DMRTA2: variants seen among roughly 807,000 people sequenced by gnomAD.
DMRTA2 encodes the protein DMRT like family A2, also known as doublesex- and mab-3-related transcription factor A2.
In DMRTA2, 10 loss-of-function variants were observed where a neutral mutation model predicts 29.7. The ratio of observed to expected loss-of-function variants is 0.34; its 90% confidence interval spans 0.21 to 0.57. The LOEUF is 0.57. Among genes scored for constraint, DMRTA2 ranks in the 20% least tolerant of loss-of-function variants. The probability of loss-of-function intolerance (pLI) is 0.87; values close to 1 mark genes in which losing one functional copy is unlikely to be tolerated. For missense variants in DMRTA2, 783 were observed against 812.1 expected, an observed-to-expected ratio of 0.96 and a Z score of 0.44; for synonymous variants, 469 against 402.6, an observed-to-expected ratio of 1.16 and a Z score of -1.97.
Position 50,420,916 on chromosome 1 carries a change from G to T in DMRTA2, c.559+62C>A. 1 of 1,396,206 alleles carries T rather than the reference G, an allele frequency of 7.2e-7. No individual in the cohort carries two copies. Among genetic ancestry groups the T allele is most frequent in the African/African-American group, 1.5e-5 (1 of 65,452 alleles). The allele number at this position is 1,396,206 out of a possible 1,614,324, so 86.5% of individuals were successfully genotyped here. Reference sequence around the variant, plus strand: ...TCTTTCTGAACCGAGACAAGCCCCTGGGCCCCGTGCCCCAGAGCTACGATC... The same window carrying T: ...TCTTTCTGAACCGAGACAAGCCCCTTGGCCCCGTGCCCCAGAGCTACGATC... On this transcript the variant is annotated intron_variant, in intron 2 of 2. Transcript: ENST00000404795. This position sits in a 1 kb window ranked among gnomAD's most constrained non-coding sequence, Gnocchi z 4.1.
chr1:50,418,496 G>T lies in DMRTA2; in HGVS notation c.*169C>A. 2.1e-6 allele frequency: 1 copy of T among 477,330 alleles called. No homozygotes were observed. Among genetic ancestry groups the T allele is most frequent in the Non-Finnish European group, 3.4e-6 (1 of 297,728 alleles). 29.6% of individuals were successfully genotyped at this position (477,330 alleles called of 1,614,324 possible). ...ACCTGTCTGTAGCTGCTCCCCCTTT[G>T]CTCAGCCTTCCCCACCCACCCTCCT... is the stretch of plus-strand genomic sequence containing the variant. On this transcript the variant is annotated 3_prime_UTR_variant, in exon 3 of 3. Coordinates refer to ENST00000404795, the MANE Select transcript of DMRTA2 (RefSeq NM_032110.3).
rs1646019175 is a variant in DMRTA2, at chr1:50,419,466, GTCC to G, written c.825_827del (p.Glu275del). 6 of 1,596,230 alleles carry G rather than the reference GTCC, an allele frequency of 3.8e-6. No individual in the cohort carries two copies. Among genetic ancestry groups the G allele is most frequent in the Non-Finnish European group, 5.1e-6 (6 of 1,176,838 alleles). ...CCAGAGGGCTAGCGGAGCCCGGGCT[GTCC>G]TCCTCGCCGCCGCCGCCAGGGCCAG... is the stretch of plus-strand genomic sequence containing the variant. On this transcript the variant is annotated inframe_deletion, in exon 3 of 3. Coordinates refer to ENST00000404795, the MANE Select transcript of DMRTA2 (RefSeq NM_032110.3). This position sits in a 1 kb window ranked among gnomAD's most constrained non-coding sequence, Gnocchi z 6.1.
Position 50,419,756 on chromosome 1 carries a change from C to T in DMRTA2, c.560-22G>A. The T allele has an allele frequency of 6.9e-7, 1 of 1,450,248 alleles. No individual in the cohort carries two copies. Among genetic ancestry groups the T allele is most frequent in the Non-Finnish European group, 9.1e-7 (1 of 1,102,766 alleles). The allele number at this position is 1,450,248 out of a possible 1,614,324, so 89.8% of individuals were successfully genotyped here. A position where few individuals can be genotyped will look rare whatever the true frequency, so the allele number is the denominator to read the frequency against. On this transcript the variant is annotated intron_variant, in intron 2 of 2. Transcript: ENST00000404795. This position sits in a 1 kb window ranked among gnomAD's most constrained non-coding sequence, Gnocchi z 6.1. ...GCCTCTGGGAGGGGAGAAAACGTGT[C>T]GTGAGGAGCGGTTAGCTAGAAGACA...
In DMRTA2 at chr1:50,419,557, G is replaced by C. The variant is rs751896721; in HGVS notation, c.737C>G (p.Ser246Cys). 6.1e-5 allele frequency: 95 copies of C among 1,566,434 alleles called. 1 individual carries two copies. In the East Asian group the frequency reaches 2.1e-3, roughly 35 times the overall value. ...CCGAGCTAGGGGCGAACCAGAAAAGGACTCGCCATCGCCGTTCTCCGAGCC... is the reference window on the plus strand; with the variant it reads ...CCGAGCTAGGGGCGAACCAGAAAAGCACTCGCCATCGCCGTTCTCCGAGCC... Reference protein sequence around the residue: ...GSGSENGDGESFSGSPLARAS... With the variant: ...GSGSENGDGECFSGSPLARAS... The change falls in exon 3 of 3, where the codon TCC becomes TGC. Residue 246 changes from serine (S) to cysteine (C), a missense_variant. By Grantham distance (112) the Ser-to-Cys change is moderately radical (BLOSUM62 -1). Around this residue, in one of 3 missense-constraint regions of DMRTA2, gnomAD observed 667 missense variants for 624.8 expected, o/e 1.07. Transcript: ENST00000404795. This position sits in a 1 kb window ranked among gnomAD's most constrained non-coding sequence, Gnocchi z 6.1.
Position 50,421,588 on chromosome 1 carries a change from GC to G in DMRTA2, c.-8-45del. 8.1e-7 allele frequency: 1 copy of G among 1,227,620 alleles called. No homozygotes were observed. The highest frequency in any genetic ancestry group is 4.0e-5 in the South Asian group (1 of 25,136). The allele number at this position is 1,227,620 out of a possible 1,614,324, so 76.0% of individuals were successfully genotyped here. On this transcript the variant is annotated intron_variant, in intron 1 of 2. Transcript: ENST00000404795. The surrounding 1 kb of genome is among the most constrained non-coding windows in gnomAD (Gnocchi z 8.7). The stretch of plus-strand genomic sequence containing the variant: ...GGAGAGGGGAGAGACCTGGTGAGGA[GC>G]ACACCGCGCGCTAGGCCAAAGCGCC...
chr1:50,418,533 A>C lies in DMRTA2; in HGVS notation c.*132T>G, dbSNP rs963961116. ...CCACCCACCCTCCTAAACAAAACCC[A>C]AAAACCACCTTAGAGTGAGAAGACG... On this transcript the variant is annotated 3_prime_UTR_variant, in exon 3 of 3. Transcript: ENST00000404795. 11 of 769,392 alleles carry C rather than the reference A, an allele frequency of 1.4e-5. No homozygotes were observed. Among genetic ancestry groups the C allele is most frequent in the African/African-American group, 9.1e-5 (5 of 54,906 alleles). 47.7% of individuals were successfully genotyped at this position (769,392 alleles called of 1,614,324 possible).
At position 50,419,420 on chromosome 1, in the gene DMRTA2, C is replaced by T; in HGVS notation, c.874G>A (p.Ala292Thr). Residue 292 changes from alanine (A) to threonine (T), a missense_variant, in exon 3 of 3, where the codon GCT (alanine) becomes ACT (threonine). Around this residue, in one of 3 missense-constraint regions of DMRTA2, gnomAD observed 667 missense variants for 624.8 expected, o/e 1.07. Coordinates refer to ENST00000404795, the MANE Select transcript of DMRTA2 (RefSeq NM_032110.3). This position sits in a 1 kb window ranked among gnomAD's most constrained non-coding sequence, Gnocchi z 6.1. ...GCGGCCTCACCCTCTTCTTTGTCAG[C>T]CTCTGAACCGGATTCAGAGCCCAGA... Reference protein sequence around the residue: ...SPLGSESGSEADKEEGEAAPA... With the variant: ...SPLGSESGSETDKEEGEAAPA... 1 of 1,598,288 alleles carries T rather than the reference C, an allele frequency of 6.3e-7. No individual in the cohort carries two copies.
chr1:50,419,283 C>G lies in DMRTA2; in HGVS notation c.1011G>C (p.Gln337His), dbSNP rs1646017090. ...CCTGCACCACGTCGCCGCCGCAGCC[C>G]TGCAACACCAGCTCCAGGACGCCTC... ...HRRGVLELVL[Q>H]GCGGDVVQAI... Residue 337 changes from glutamine to histidine, a missense_variant, in exon 3 of 3, where the codon CAG (glutamine) becomes CAC (histidine). Coordinates refer to ENST00000404795, the MANE Select transcript of DMRTA2 (RefSeq NM_032110.3). The surrounding 1 kb of genome is among the most constrained non-coding windows in gnomAD (Gnocchi z 6.1). 3.1e-6 allele frequency: 5 copies of G among 1,593,944 alleles called. No individual in the cohort carries two copies. The highest frequency in any genetic ancestry group is 4.2e-6 in the Non-Finnish European group (5 of 1,178,058).
Position 50,420,940 on chromosome 1 carries a change from T to G in DMRTA2, c.559+38A>C, listed in dbSNP as rs1158648501. On this transcript the variant is annotated intron_variant, in intron 2 of 2. Coordinates refer to ENST00000404795, the MANE Select transcript of DMRTA2 (RefSeq NM_032110.3). The surrounding 1 kb of genome is among the most constrained non-coding windows in gnomAD (Gnocchi z 4.1). Reference sequence around the variant, plus strand: ...TGGGCCCCGTGCCCCAGAGCTACGATCCTGCTGCCCCTACCTGCGGCCTGG... The same window carrying G: ...TGGGCCCCGTGCCCCAGAGCTACGAGCCTGCTGCCCCTACCTGCGGCCTGG... 5 of 1,412,284 alleles carry G rather than the reference T, an allele frequency of 3.5e-6. No homozygotes were observed. Among genetic ancestry groups the G allele is most frequent in the Non-Finnish European group, 4.6e-6 (5 of 1,093,468 alleles). The allele number at this position is 1,412,284 out of a possible 1,614,324, so 87.5% of individuals were successfully genotyped here. A position where few individuals can be genotyped will look rare whatever the true frequency, so the allele number is the denominator to read the frequency against.
rs559095699 is a variant in DMRTA2 at position 50,418,599 on chromosome 1, C to T, written c.*66G>A. ...GAGAGAGCGCTGGGCGAAGAGGGGT[C>T]GATGGCCCGCGGGAACAGGGCTGGG... is the stretch of plus-strand genomic sequence containing the variant. On this transcript the variant is annotated 3_prime_UTR_variant, in exon 3 of 3. Transcript: ENST00000404795. 1.1e-4 allele frequency: 145 copies of T among 1,275,728 alleles called. No homozygotes were observed. The African/African-American group carries it at 1.9e-3, about 17-fold the overall frequency. The allele number at this position is 1,275,728 out of a possible 1,614,324, so 79.0% of individuals were successfully genotyped here.
At position 50,420,373 on chromosome 1, in the gene DMRTA2, G is replaced by A. The variant is rs1646026817; in HGVS notation, c.559+605C>T. Among the ~76,000 whole-genome samples, 1 of 152,274 alleles carries A rather than the reference G, an allele frequency of 6.6e-6. No homozygotes were observed. Among genetic ancestry groups the A allele is most frequent in the South Asian group, 2.1e-4 (1 of 4,814 alleles). On this transcript the variant is annotated intron_variant, in intron 2 of 2. Coordinates refer to ENST00000404795, the MANE Select transcript of DMRTA2 (RefSeq NM_032110.3). The surrounding 1 kb of genome is among the most constrained non-coding windows in gnomAD (Gnocchi z 4.1). ...AAGCCACGGGGGTCCAGAAAAAGAG[G>A]GTGGTGCTAGGCAGGCAGTAGGAAG...
Position 50,418,832 on chromosome 1 carries a change from TG to T in DMRTA2, c.1461del (p.Thr488LeufsTer104). 1 of 1,583,734 alleles carries T rather than the reference TG, an allele frequency of 6.3e-7. No homozygotes were observed. The highest frequency in any genetic ancestry group is 8.6e-7 in the Non-Finnish European group (1 of 1,168,246). ...CCGAGCGTGGGCACCAAGCCGGCAG[TG>T]GAGTAGGGCGCCATGAAGGCCAGAC... Reference protein sequence around the residue: ...SRGLAFMAPYSTAGLVPTLGF... With the variant: ...SRGLAFMAPYXTAGLVPTLGF... On this transcript the variant is annotated frameshift_variant, in exon 3 of 3. Transcript: ENST00000404795. LOFTEE classifies it high-confidence loss of function.
Position 50,420,167 on chromosome 1 carries a change from G to T in DMRTA2, c.560-433C>A, listed in dbSNP as rs755482672. Among the ~76,000 whole-genome samples the T allele has an allele frequency of 4.6e-5, 7 of 152,176 alleles. No individual in the cohort carries two copies. Among genetic ancestry groups the T allele is most frequent in the Non-Finnish European group, 7.3e-5 (5 of 68,040 alleles). On this transcript the variant is annotated intron_variant, in intron 2 of 2. Coordinates refer to ENST00000404795, the MANE Select transcript of DMRTA2 (RefSeq NM_032110.3). The surrounding 1 kb of genome is among the most constrained non-coding windows in gnomAD (Gnocchi z 4.1). ...AATGCCTGCCCTGGCAGTGCAGCCT[G>T]TAAGGAAAGGCGCCTTGGTTATCTA...
chr1:50,418,827 G>C lies in DMRTA2; in HGVS notation c.1467C>G (p.Ala489=), dbSNP rs747106724. The C allele has an allele frequency of 8.2e-6, 13 of 1,587,394 alleles. No individual in the cohort carries two copies. The highest frequency in any genetic ancestry group is 1.7e-4 in the Middle Eastern group (1 of 5,824). The change falls in exon 3 of 3, where the codon GCC becomes GCG. Residue 489 remains alanine (A), a synonymous_variant. Coordinates refer to ENST00000404795, the MANE Select transcript of DMRTA2 (RefSeq NM_032110.3). ...GGAAGCCGAGCGTGGGCACCAAGCC[G>C]GCAGTGGAGTAGGGCGCCATGAAGG... The part of the protein sequence containing the change: ...GLAFMAPYST[A]GLVPTLGFRP...
Position 50,419,678 on chromosome 1 carries a change from G to C in DMRTA2, c.616C>G (p.Pro206Ala), listed in dbSNP as rs1421541627. The C allele has an allele frequency of 1.3e-6, 2 of 1,498,896 alleles. No individual in the cohort carries two copies. Among genetic ancestry groups the C allele is most frequent in the African/African-American group, 2.9e-5 (2 of 68,628 alleles). The allele number at this position is 1,498,896 out of a possible 1,614,324, so 92.8% of individuals were successfully genotyped here. A position where few individuals can be genotyped will look rare whatever the true frequency, so the allele number is the denominator to read the frequency against. ...ACCGGCGGCGGCAGCGGGCTGCCCG[G>C]GCGGCCTGCCTGCAGCAGCGTCTTA... ...FPKTLLQAGRPGSPLPPPVKP... is the reference protein window; with the variant it reads ...FPKTLLQAGRAGSPLPPPVKP... The change falls in exon 3 of 3, where the codon CCG becomes GCG. Residue 206 changes from proline to alanine, a missense_variant. This residue lies in a region of DMRTA2 where 667 missense variants were observed against 624.8 expected (regional missense o/e 1.07). Coordinates refer to ENST00000404795, the MANE Select transcript of DMRTA2 (RefSeq NM_032110.3). The surrounding 1 kb of genome is among the most constrained non-coding windows in gnomAD (Gnocchi z 6.1).
Position 50,418,817 on chromosome 1 carries a change from G to T in DMRTA2, c.1477C>A (p.Pro493Thr). 6.3e-7 allele frequency: 1 copy of T among 1,587,808 alleles called. No homozygotes were observed. Residue 493 changes from proline to threonine, a missense_variant, in exon 3 of 3, where the codon CCC becomes ACC. Pro to Thr is a conservative substitution (Grantham distance 38). Around this residue, in one of 3 missense-constraint regions of DMRTA2, gnomAD observed 667 missense variants for 624.8 expected, o/e 1.07. Transcript: ENST00000404795. ...ATGGGTGGGCGGAAGCCGAGCGTGGGCACCAAGCCGGCAGTGGAGTAGGGC... is the reference window on the plus strand; with the variant it reads ...ATGGGTGGGCGGAAGCCGAGCGTGGTCACCAAGCCGGCAGTGGAGTAGGGC... ...MAPYSTAGLV[P>T]TLGFRPPMDY...
In DMRTA2 at chr1:50,420,597, G is replaced by A. The variant is rs1226703348; in HGVS notation, c.559+381C>T. Among the ~76,000 whole-genome samples the A allele has an allele frequency of 6.6e-6, 1 of 152,156 alleles. No individual in the cohort carries two copies. The highest frequency in any genetic ancestry group is 2.4e-5 in the African/African-American group (1 of 41,422). ...TTAAAGGGGGGGGGATTCCTTAAGG[G>A]AGTTGGGAAGGAGCAGAGGGAAAGG... On this transcript the variant is annotated intron_variant, in intron 2 of 2. Transcript: ENST00000404795. The surrounding 1 kb of genome is among the most constrained non-coding windows in gnomAD (Gnocchi z 4.1).
rs1646041324 is a variant in DMRTA2 at position 50,421,826 on chromosome 1, A to G, written c.-8-282T>C. ...ATTCCGCTGGAAAAAATAAAGAGAC[A>G]TGTAAAGTGTGAAAGTCACTGATTC... is the stretch of plus-strand genomic sequence containing the variant. On this transcript the variant is annotated intron_variant, in intron 1 of 2. Transcript: ENST00000404795. This position sits in a 1 kb window ranked among gnomAD's most constrained non-coding sequence, Gnocchi z 8.7. Among the ~76,000 whole-genome samples the G allele has an allele frequency of 6.6e-6, 1 of 152,244 alleles. No homozygotes were observed. Among genetic ancestry groups the G allele is most frequent in the South Asian group, 2.1e-4 (1 of 4,834 alleles).
At position 50,420,816 on chromosome 1, in the gene DMRTA2, T is replaced by C. The variant is rs1057289617; in HGVS notation, c.559+162A>G. 4.6e-5 allele frequency among the ~76,000 whole-genome samples: 7 copies of C among 152,192 alleles called. No homozygotes were observed. The highest frequency in any genetic ancestry group is 1.7e-4 in the African/African-American group (7 of 41,450). The stretch of plus-strand genomic sequence containing the variant: ...GAAGCGGGAGAAAGGAGAGTTTCTG[T>C]ACCCACGCTCCATACCCGAGGCTGG... On this transcript the variant is annotated intron_variant, in intron 2 of 2. Coordinates refer to ENST00000404795, the MANE Select transcript of DMRTA2 (RefSeq NM_032110.3). The surrounding 1 kb of genome is among the most constrained non-coding windows in gnomAD (Gnocchi z 4.1).
Sources: allele counts gnomAD v4.1 joint callset (sites outside exome capture counted in the v4.1 genomes callset), GRCh38; gene constraint gnomAD v4.1.1; regional missense constraint gnomAD v4.1.1; non-coding constraint Gnocchi (gnomAD v3.1); transcripts MANE v1.5; gene names NCBI Gene and HGNC (gene_info 2026-07-23, HGNC 2026-07-21).